KIRREL1: variants seen among roughly 807,000 people sequenced by gnomAD.
KIRREL1 encodes kin of IRRE-like protein 1.
KIRREL1 carries 25 observed loss-of-function variants against 83.3 expected under a neutral mutation model. The ratio of observed to expected loss-of-function variants is 0.30; its 90% confidence interval spans 0.22 to 0.42. The LOEUF (loss-of-function observed/expected upper bound fraction) is 0.42. Ranked by LOEUF, KIRREL1 falls within the 10% of genes least tolerant of loss-of-function variation. The pLI, the probability that KIRREL1 is intolerant of heterozygous loss-of-function variation, is 1.00. For synonymous variants in KIRREL1, 388 were observed against 410.4 expected (o/e 0.95, Z 0.66); for missense variants, 812 against 1,032.3 (o/e 0.79, Z 2.92).
At chr1:158,070,654 G>A (rs1483375087) in intron 1 of KIRREL1, among the ~76,000 whole-genome samples, 3 of 152,166 alleles carry the variant, frequency 2.0e-5, no homozygotes, top group Non-Finnish European at 4.4e-5. Context: ...GAAGAGGGAG[G>A]GAATGATTCC....
intron 1 of KIRREL1, among the ~76,000 whole-genome samples, chr1:158,069,417 C>T (rs1160700118): frequency 1.3e-5 from 2 of 151,496 alleles, no homozygotes; most frequent in South Asian, 2.1e-4. Flanking sequence ...AAATGGGATT[C>T]GACCTTGTTG....
At chr1:158,091,646 C>G (rs1662200868) in intron 11 of KIRREL1, 90 bp downstream of exon 11, 2 of 1,268,724 alleles carry the variant, frequency 1.6e-6, no homozygotes, top group Admixed American at 3.6e-5. Context: ...TCAGCTGCTC[C>G]CCTTCCCTTG....
At chr1:158,072,515 G>A (rs1251517262) in intron 1 of KIRREL1, among the ~76,000 whole-genome samples, 1 of 152,112 alleles carries the variant, frequency 6.6e-6, no homozygotes, top group East Asian at 1.9e-4. Context: ...GACGTGAGTA[G>A]GAAGACCTTG....
At chr1:158,018,893 TG>T (rs1659918179) in intron 1 of KIRREL1, among the ~76,000 whole-genome samples, 1 of 152,220 alleles carries the variant, frequency 6.6e-6, no homozygotes, top group South Asian at 2.1e-4. Context: ...ATTATTAGCC[TG>T]AACAAAACAT....
rs184182721 is a variant in KIRREL1, at chr1:158,000,922, G to A, written c.52+7194G>A. ...TAGTTTCCCAGGAGAGAATGCTGCC[G>A]CTTCATTCCTTTTGCAATCTGGCTC... On this transcript the variant is annotated intron_variant, in intron 1 of 14. Coordinates refer to ENST00000359209, the MANE Select transcript of KIRREL1 (RefSeq NM_018240.7). Among the ~76,000 whole-genome samples, 430 of 152,234 alleles carry A rather than the reference G, an allele frequency of 2.8e-3. 4 individuals are homozygous for A. Among genetic ancestry groups the A allele is most frequent in the South Asian group, 0.022 (108 of 4,820 alleles).
At position 158,094,661 on chromosome 1, in the gene KIRREL1, C is replaced by T. The variant is rs2101649396; in HGVS notation, c.1815C>T (p.Tyr605=). ...EYEMKDPTNG[Y]YNVRAHEDRP... ...GCCCCCAGGACCCCACCAATGGCTA[C>T]TACAACGTGCGTGCCCATGAAGACC... The change falls in exon 15 of 15, where the codon TAC becomes TAT. Residue 605 remains tyrosine, a synonymous_variant. Coordinates refer to ENST00000359209, the MANE Select transcript of KIRREL1 (RefSeq NM_018240.7). This position sits in a 1 kb window ranked among gnomAD's most constrained non-coding sequence, Gnocchi z 4.6. 3 of 1,602,236 alleles carry T rather than the reference C, an allele frequency of 1.9e-6. No homozygotes were observed. Among genetic ancestry groups the T allele is most frequent in the Non-Finnish European group, 2.6e-6 (3 of 1,176,454 alleles).
chr1:158,035,206 G>A lies in KIRREL1; in HGVS notation c.53-40907G>A, dbSNP rs374787296. 1.4e-4 allele frequency among the ~76,000 whole-genome samples: 21 copies of A among 152,236 alleles called. No individual in the cohort carries two copies. The Middle Eastern group carries it at 0.017, about 123-fold the overall frequency. ...TTAAGAGATCAATTACTTACCATCC[G>A]TCAGTTTCTTTTATCTTTTGGAAGG... is the stretch of plus-strand genomic sequence containing the variant. On this transcript the variant is annotated intron_variant, in intron 1 of 14. Coordinates refer to ENST00000359209, the MANE Select transcript of KIRREL1 (RefSeq NM_018240.7).
At position 158,094,281 on chromosome 1, in the gene KIRREL1, T is replaced by A. The variant is rs1019262221; in HGVS notation, c.1720-32T>A. The A allele has an allele frequency of 1.3e-6, 2 of 1,572,726 alleles. No homozygotes were observed. The highest frequency in any genetic ancestry group is 2.7e-5 in the African/African-American group (2 of 74,518). On this transcript the variant is annotated intron_variant, in intron 13 of 14. Transcript: ENST00000359209. This position sits in a 1 kb window ranked among gnomAD's most constrained non-coding sequence, Gnocchi z 4.6. ...AGGGGCGAAAAGAGCAGGGCTTCCGTCTGCTGACGTCCCACTCCTGCTGCT... is the reference window on the plus strand; with the variant it reads ...AGGGGCGAAAAGAGCAGGGCTTCCGACTGCTGACGTCCCACTCCTGCTGCT...
At chr1:158,062,380 C>T (rs890601184) in intron 1 of KIRREL1, among the ~76,000 whole-genome samples, 1 of 152,232 alleles carries the variant, frequency 6.6e-6, no homozygotes, top group African/African-American at 2.4e-5. Context: ...GCTTCCTCAG[C>T]TCCCTGCAGC....
Position 158,093,400 on chromosome 1 carries a change from C to G in KIRREL1, c.1533C>G (p.Phe511Leu). Residue 511 changes from phenylalanine to leucine, a missense_variant, in exon 12 of 15, where the codon TTC becomes TTG. Transcript: ENST00000359209. ...TCGGCGCGAGCATCCTGCTCATCTT[C>G]TTCTTCATCGCCTTGGTATTCTTCC... ...ATIGASILLI[F>L]FFIALVFFLY... 6.2e-7 allele frequency: 1 copy of G among 1,614,264 alleles called. No individual in the cohort carries two copies. The highest frequency in any genetic ancestry group is 8.5e-7 in the Non-Finnish European group (1 of 1,180,052).
At chr1:158,069,790 C>T (rs1478059737) in intron 1 of KIRREL1, among the ~76,000 whole-genome samples, 1 of 152,188 alleles carries the variant, frequency 6.6e-6, no homozygotes, top group Non-Finnish European at 1.5e-5. Context: ...TTCTTGATGT[C>T]CCTGAGCCTT....
At chr1:158,070,897 A>G (rs987631180) in intron 1 of KIRREL1, among the ~76,000 whole-genome samples, 1 of 152,042 alleles carries the variant, frequency 6.6e-6, no homozygotes, top group Admixed American at 6.6e-5. Context: ...CTCACCCCTC[A>G]AGACTCTGAT....
rs2101648682 is a variant in KIRREL1, at chr1:158,094,244, G to A, written c.1720-69G>A. ...TGAGCAGGTGGCCTCTGAGCGTGGGGAGGGGTTGGTGAGGGGCGAAAAGAG... is the reference window on the plus strand; with the variant it reads ...TGAGCAGGTGGCCTCTGAGCGTGGGAAGGGGTTGGTGAGGGGCGAAAAGAG... On this transcript the variant is annotated intron_variant, in intron 13 of 14. Transcript: ENST00000359209. This position sits in a 1 kb window ranked among gnomAD's most constrained non-coding sequence, Gnocchi z 4.6. The A allele has an allele frequency of 1.5e-6, 2 of 1,366,332 alleles. No individual in the cohort carries two copies. The highest frequency in any genetic ancestry group is 2.0e-6 in the Non-Finnish European group (2 of 976,188). 84.6% of individuals were successfully genotyped at this position (1,366,332 alleles called of 1,614,324 possible).
In KIRREL1 at chr1:158,089,627, C is replaced by T. The variant is rs6683714; in HGVS notation, c.1170C>T (p.Asn390=). ...VAEREVPLYV[N]GPPIISSEAV... is the part of the protein sequence containing the mutation. ...AGCGGGAGGTGCCGCTCTATGTGAA[C>T]GGTGAGTGAGTGGCCTGAGAGGCAG... The change falls in exon 9 of 15, where the codon AAC becomes AAT. Residue 390 remains asparagine, a splice_region_variant and synonymous_variant. Coordinates refer to ENST00000359209, the MANE Select transcript of KIRREL1 (RefSeq NM_018240.7). The T allele has an allele frequency of 3.7e-3, 5,969 of 1,613,288 alleles. 76 individuals carry two copies. The African/African-American group carries it at 0.045, about 12-fold the overall frequency.
Position 158,098,625 on chromosome 1 carries a change from C to T in KIRREL1, c.*3505C>T, listed in dbSNP as rs1271349533. The T allele has an allele frequency of 2.0e-5, 3 of 152,196 alleles. No individual in the cohort carries two copies. The highest frequency in any genetic ancestry group is 2.9e-5 in the Non-Finnish European group (2 of 68,050). 9.4% of individuals were successfully genotyped at this position (152,196 alleles called of 1,614,324 possible). A position where few individuals can be genotyped will look rare whatever the true frequency, so the allele number is the denominator to read the frequency against. ...ACGGTCACTTCCCTCGTGAAGGACC[C>T]GCCCTATATCCTAAATTCTGGATCC... On this transcript the variant is annotated 3_prime_UTR_variant, in exon 15 of 15. Transcript: ENST00000359209.
chr1:158,009,559 G>A (rs1205155275), intron 1 of KIRREL1, among the ~76,000 whole-genome samples: 3 of 152,240 alleles, frequency 2.0e-5, no homozygotes, highest in Admixed American at 6.5e-5. Context: ...AGTTTGTGAG[G>A]GAGGGAGGGT....
intron 1 of KIRREL1, among the ~76,000 whole-genome samples, chr1:158,030,035 C>T (rs1660280694): frequency 6.6e-6 from 1 of 152,184 alleles, no homozygotes; most frequent in South Asian, 2.1e-4. Flanking sequence ...CTTACAAAAT[C>T]CCTGTGTATA....
rs1662353906 is a variant in KIRREL1 at position 158,096,310 on chromosome 1, CAGTT to C, written c.*1191_*1194del. ...CAGTCTCTACTCTCCTATGTCCCAT[CAGTT>C]GGTTGGAGGCCACCTTCCAGGGGGT... On this transcript the variant is annotated 3_prime_UTR_variant, in exon 15 of 15. Transcript: ENST00000359209. The C allele has an allele frequency of 5.8e-6, 2 of 346,698 alleles. No homozygotes were observed. The highest frequency in any genetic ancestry group is 2.3e-5 in the South Asian group (1 of 43,972). The allele number at this position is 346,698 out of a possible 1,614,324, so 21.5% of individuals were successfully genotyped here.
chr1:158,036,633 C>G (rs59961209), intron 1 of KIRREL1, among the ~76,000 whole-genome samples: 5,184 of 152,140 alleles, frequency 0.034, 276 homozygotes, highest in African/African-American at 0.11. Context: ...GAAAGAGAGG[C>G]GCTTGATGGA....
Sources: allele counts gnomAD v4.1 joint callset (sites outside exome capture counted in the v4.1 genomes callset), GRCh38; gene constraint gnomAD v4.1.1; non-coding constraint Gnocchi (gnomAD v3.1); transcripts MANE v1.5; gene names NCBI Gene and HGNC (gene_info 2026-07-23, HGNC 2026-07-21).